Variants in SLC35F3 observed in about 807,000 individuals in gnomAD.
SLC35F3 encodes the protein solute carrier family 35 member F3, also known as putative thiamine transporter SLC35F3.
In SLC35F3, 25 loss-of-function variants were observed where a neutral mutation model predicts 49.9. That is an observed-to-expected ratio of 0.50 (90% CI 0.37 to 0.70). SLC35F3 has a LOEUF of 0.70. Among genes scored for constraint, SLC35F3 ranks in the 30% least tolerant of loss-of-function variants. The pLI, the probability that SLC35F3 is intolerant of heterozygous loss-of-function variation, is 0.00. For synonymous variants in SLC35F3, 275 were observed against 265.4 expected (o/e 1.04, Z -0.35); for missense variants, 525 against 639.8 (o/e 0.82, Z 1.94).
chr1:234,267,354 C>G (rs1370129684), intron 3 of SLC35F3, among the ~76,000 whole-genome samples: 17 of 139,758 alleles, frequency 1.2e-4, no homozygotes, highest in Non-Finnish European at 2.3e-4. Context: ...TCCACAAAAC[C>G]GCCATTGTCA....
intron 2 of SLC35F3, among the ~76,000 whole-genome samples, chr1:234,200,439 G>A (rs1666886717): frequency 6.6e-6 from 1 of 152,040 alleles, no homozygotes; most frequent in Admixed American, 6.5e-5. Context: ...TCAATGCTTT[G>A]ATGGTGAGAA....
rs200588563 is a variant in SLC35F3 at position 234,323,033 on chromosome 1, C to A, written c.1263C>A (p.Ile421=). ...TGATTGATCACTACACCAGTCAGAT[C>A]GTCTTCAATGGGGTCCGGGTCATCG... is the stretch of plus-strand genomic sequence containing the variant. The part of the protein sequence containing the change: ...NAVIDHYTSQ[I]VFNGVRVIAI... The change falls in exon 8 of 8, where the codon ATC becomes ATA. Residue 421 remains isoleucine (I), a synonymous_variant. Transcript: ENST00000366618. This position sits in a 1 kb window ranked among gnomAD's most constrained non-coding sequence, Gnocchi z 4.5. The A allele has an allele frequency of 2.8e-5, 45 of 1,613,886 alleles. No homozygotes were observed. The highest frequency in any genetic ancestry group is 3.6e-5 in the Non-Finnish European group (43 of 1,180,032).
intron 2 of SLC35F3, among the ~76,000 whole-genome samples, chr1:233,974,270 C>T (rs1000494096): frequency 5.3e-5 from 8 of 149,940 alleles, no homozygotes; most frequent in African/African-American, 1.5e-4. Flanking sequence ...CTGCAACCTC[C>T]GCCTCCTGGG....
intron 4 of SLC35F3, among the ~76,000 whole-genome samples, chr1:234,312,829 C>T (rs532603862): frequency 4.7e-4 from 71 of 151,600 alleles, no homozygotes; most frequent in African/African-American, 4.9e-5. Context: ...CACCCCGCCA[C>T]GTTTTGTTGT....
intron 2 of SLC35F3, among the ~76,000 whole-genome samples, chr1:234,108,607 A>T (rs1366092056): frequency 8.1e-6 from 1 of 122,836 alleles, no homozygotes. Context: ...TAAAAGATAT[A>T]TATTTATATA....
At chr1:234,238,815 A>G (rs367758159) in intron 3 of SLC35F3, among the ~76,000 whole-genome samples, 1 of 152,156 alleles carries the variant, frequency 6.6e-6, no homozygotes, top group African/African-American at 2.4e-5. Context: ...CCACATCCCA[A>G]TTATCTGAGA....
intron 2 of SLC35F3, among the ~76,000 whole-genome samples, chr1:234,147,974 A>G (rs560567176): frequency 3.9e-5 from 6 of 152,344 alleles, no homozygotes; most frequent in Middle Eastern, 3.4e-3. Flanking sequence ...GGAGGGCCAC[A>G]GTGGGAGGAG....
chr1:234,256,130 A>T (rs1295774901), intron 3 of SLC35F3, among the ~76,000 whole-genome samples: 1 of 152,232 alleles, frequency 6.6e-6, no homozygotes, highest in South Asian at 2.1e-4. Context: ...TTTTAATGTC[A>T]TAAGAGTGGA....
At chr1:234,230,568 C>T (rs1046688058) in intron 2 of SLC35F3, among the ~76,000 whole-genome samples, 2 of 152,206 alleles carry the variant, frequency 1.3e-5, no homozygotes, top group Non-Finnish European at 2.9e-5. Flanking sequence ...CTGACTGACA[C>T]GCACACAATC....
chr1:234,207,349 G>A (rs1051571367), intron 2 of SLC35F3, among the ~76,000 whole-genome samples: 1 of 16,296 alleles, frequency 6.1e-5, no homozygotes, highest in Non-Finnish European at 1.5e-4. Flanking sequence ...TCCAGGTCCT[G>A]TTAATAGACT....
chr1:234,020,281 A>G (rs1314052030), intron 2 of SLC35F3, among the ~76,000 whole-genome samples: 42 of 152,156 alleles, frequency 2.8e-4, no homozygotes, highest in Non-Finnish European at 1.5e-5. Flanking sequence ...CAAATATTTC[A>G]TGTGCCTCTA....
chr1:233,955,126 G>A (rs1008958229), intron 2 of SLC35F3, among the ~76,000 whole-genome samples: 2 of 152,006 alleles, frequency 1.3e-5, no homozygotes, highest in Admixed American at 6.5e-5. Context: ...TTACAGGCAC[G>A]AGCCACCGCA....
chr1:234,150,201 C>T (rs1247727263), intron 2 of SLC35F3, among the ~76,000 whole-genome samples: 2 of 152,218 alleles, frequency 1.3e-5, no homozygotes, highest in Non-Finnish European at 2.9e-5. Context: ...CAAATGGAAG[C>T]GGTAATTCTC....
chr1:234,014,438 G>T (rs73100465), intron 2 of SLC35F3, among the ~76,000 whole-genome samples: 4,659 of 152,176 alleles, frequency 0.031, 264 homozygotes, highest in African/African-American at 0.11. Context: ...CACTCTAACC[G>T]CTTCTGTTCA....
intron 2 of SLC35F3, among the ~76,000 whole-genome samples, chr1:233,935,508 A>G (rs1307819694): frequency 1.3e-5 from 2 of 152,024 alleles, no homozygotes; most frequent in Non-Finnish European, 1.5e-5. Context: ...ACCCAGAAGC[A>G]ACCGATTTTT....
intron 2 of SLC35F3, among the ~76,000 whole-genome samples, chr1:234,176,884 C>A (rs926954513): frequency 6.6e-6 from 1 of 152,200 alleles, no homozygotes; most frequent in African/African-American, 2.4e-5. Flanking sequence ...TGAGCAAGGT[C>A]TTTCCCTACA....
chr1:234,126,477 A>C (rs72758230), intron 2 of SLC35F3, among the ~76,000 whole-genome samples: 2 of 151,168 alleles, frequency 1.3e-5, no homozygotes, highest in South Asian at 4.2e-4. Flanking sequence ...CCTGTTTTAC[A>C]TGTGTGTGTG....
At chr1:234,088,771 T>C (rs1054670839) in intron 2 of SLC35F3, among the ~76,000 whole-genome samples, 1 of 152,138 alleles carries the variant, frequency 6.6e-6, no homozygotes, top group Non-Finnish European at 1.5e-5. Context: ...TCTTTTTTTC[T>C]TTATTTTTGA....
At chr1:234,099,918 T>C (rs983074837) in intron 2 of SLC35F3, among the ~76,000 whole-genome samples, 2 of 152,260 alleles carry the variant, frequency 1.3e-5, no homozygotes, top group African/African-American at 4.8e-5. Context: ...CAGAGCATTG[T>C]ATAATTCTGT....
Sources: gnomAD v4.1 joint callset for allele counts (sites outside exome capture counted in the v4.1 genomes callset) on GRCh38, gnomAD v4.1.1 for gene constraint, Gnocchi (gnomAD v3.1) non-coding constraint, MANE v1.5 for transcripts, NCBI Gene and HGNC (gene_info 2026-07-23, HGNC 2026-07-21) for gene names.